Variants in PDS5A observed in about 807,000 individuals in gnomAD.
PDS5A encodes sister chromatid cohesion protein PDS5 homolog A.
A neutral mutation model predicts 167.1 loss-of-function variants in PDS5A; 42 were observed. That is an observed-to-expected ratio of 0.25 (90% CI 0.20 to 0.33). The LOEUF is 0.33. Ranked by LOEUF, PDS5A falls within the 10% of genes least tolerant of loss-of-function variation. The probability of loss-of-function intolerance (pLI) is 1.00; values close to 1 mark genes in which losing one functional copy is unlikely to be tolerated. For missense variants in PDS5A, 1,033 were observed against 1,605.9 expected (o/e 0.64, Z 6.10); for synonymous variants, 553 against 554.6 (o/e 1.00, Z 0.04).
At chr4:39,957,647 G>A (rs1224265754) in intron 2 of PDS5A, among the ~76,000 whole-genome samples, 2 of 152,006 alleles carry the variant, frequency 1.3e-5, no homozygotes, top group African/African-American at 2.4e-5. Context: ...TTAGCCGGGC[G>A]TGGTGGCGGG....
At chr4:39,836,412 A>C (rs1716389307) in intron 32 of PDS5A, among the ~76,000 whole-genome samples, 1 of 152,092 alleles carries the variant, frequency 6.6e-6, no homozygotes, top group African/African-American at 2.4e-5. Context: ...AATAGCCCAA[A>C]ATTTCAGAAT....
At chr4:39,920,190 G>A in intron 7 of PDS5A, 129 bp downstream of exon 7, 1 of 420,604 alleles carries the variant, frequency 2.4e-6, no homozygotes, top group African/African-American at 2.1e-5. Context: ...CTCTAACCCT[G>A]GTCACATCTG....
chr4:39,868,775 T>TA, intron 22 of PDS5A: 1 of 427,210 alleles, frequency 2.3e-6, no homozygotes, highest in South Asian at 1.7e-5. Context: ...AAGTATTATT[T>TA]ATTATATTTA....
At chr4:39,867,549 TA>T (rs11357236) in intron 22 of PDS5A, among the ~76,000 whole-genome samples, 56,289 of 111,764 alleles carry the variant, frequency 0.5, 12,454 homozygotes, top group East Asian at 0.67. Flanking sequence ...CCGTCTCTAC[TA>T]AAAAAAAAAA....
At chr4:39,887,884 A>T (rs200544890) in intron 17 of PDS5A, among the ~76,000 whole-genome samples, 1 of 19,102 alleles carries the variant, frequency 5.2e-5, no homozygotes, top group South Asian at 7.2e-3. Context: ...CAAAATAACA[A>T]AACAAAACAA....
chr4:39,913,119 T>C (rs1360143046), intron 9 of PDS5A, among the ~76,000 whole-genome samples: 2 of 151,232 alleles, frequency 1.3e-5, no homozygotes, highest in Non-Finnish European at 2.9e-5. Context: ...AGAGTCTCAC[T>C]CTGTCACTCC....
intron 26 of PDS5A, among the ~76,000 whole-genome samples, chr4:39,850,491 C>T (rs1379176223): frequency 6.6e-6 from 1 of 152,022 alleles, no homozygotes; most frequent in African/African-American, 2.4e-5. Flanking sequence ...AACACAGATT[C>T]ACCCTATAGG....
At chr4:39,911,974 T>G (rs1723935449) in intron 9 of PDS5A, among the ~76,000 whole-genome samples, 1 of 152,226 alleles carries the variant, frequency 6.6e-6, no homozygotes, top group South Asian at 2.1e-4. Flanking sequence ...AGTATTTTTA[T>G]TTTTGAAATG....
rs1428581115 is a variant in PDS5A, at chr4:39,951,192, C to T, written c.139-23028G>A. On this transcript the variant is annotated intron_variant, in intron 2 of 32. Transcript: ENST00000303538. Reference sequence around the variant, plus strand: ...ACAGAAATAAACCACTCCATCTGGCCTCTGTTCTGCCTCTTAATGGATAGG... The same window carrying T: ...ACAGAAATAAACCACTCCATCTGGCTTCTGTTCTGCCTCTTAATGGATAGG... Among the ~76,000 whole-genome samples, 6 of 152,288 alleles carry T rather than the reference C, an allele frequency of 3.9e-5. No homozygotes were observed. In the South Asian group the frequency reaches 1.2e-3, roughly 32 times the overall value.
At chr4:39,908,595 AT>A in intron 10 of PDS5A, 55 bp from the exon 11 acceptor site, 1 of 1,097,524 alleles carries the variant, frequency 9.1e-7, no homozygotes, top group Non-Finnish European at 1.4e-6. Flanking sequence ...ATTTGTCATG[AT>A]TTAGAATGGC....
intron 26 of PDS5A, among the ~76,000 whole-genome samples, chr4:39,858,444 A>G (rs1206875706): frequency 6.6e-6 from 1 of 152,208 alleles, no homozygotes; most frequent in Admixed American, 6.5e-5. Context: ...CAAGGGTGCC[A>G]AAACCAATCT....
chr4:39,922,014 AAG>A (rs1435676277), intron 6 of PDS5A, among the ~76,000 whole-genome samples: 2 of 152,242 alleles, frequency 1.3e-5, no homozygotes, highest in African/African-American at 4.8e-5. Flanking sequence ...ACTAGAAGAA[AAG>A]AGCAGGAGAG....
chr4:39,926,687 ACACT>A, intron 4 of PDS5A, 84 bp downstream of exon 4: 1 of 898,204 alleles, frequency 1.1e-6, no homozygotes, highest in East Asian at 3.4e-5. Flanking sequence ...AATAAAATAA[ACACT>A]CATTTTACAT....
intron 8 of PDS5A, among the ~76,000 whole-genome samples, chr4:39,916,577 T>A (rs1045199409): frequency 4.6e-5 from 7 of 152,104 alleles, no homozygotes; most frequent in Non-Finnish European, 1.0e-4. Flanking sequence ...AAAAGTATTA[T>A]AATTTTGTGG....
At chr4:39,886,648 G>A (rs571155451) in intron 17 of PDS5A, among the ~76,000 whole-genome samples, 191 of 152,016 alleles carry the variant, frequency 1.3e-3, no homozygotes, top group African/African-American at 4.4e-3. Context: ...AGGAGGTGGA[G>A]GCTGTGGTGA....
At chr4:39,917,544 C>A (rs1036354350) in intron 7 of PDS5A, among the ~76,000 whole-genome samples, 1 of 151,926 alleles carries the variant, frequency 6.6e-6, no homozygotes, top group Non-Finnish European at 1.5e-5. Context: ...TTCCTTGTAG[C>A]AGAGAAAAAT....
intron 32 of PDS5A, among the ~76,000 whole-genome samples, chr4:39,833,749 T>C (rs1716135755): frequency 6.6e-6 from 1 of 152,020 alleles, no homozygotes; most frequent in Non-Finnish European, 1.5e-5. Context: ...CCACATCAAT[T>C]TACGGGGAAA....
chr4:39,874,748 A>C (rs1720326119), intron 19 of PDS5A, among the ~76,000 whole-genome samples: 3 of 152,218 alleles, frequency 2.0e-5, no homozygotes, highest in Admixed American at 1.3e-4. Context: ...CAATATTGCT[A>C]ATTTTTCAAT....
intron 16 of PDS5A, chr4:39,897,903 G>T: frequency 1.1e-4 from 36 of 324,866 alleles, no homozygotes; most frequent in Non-Finnish European, 1.4e-4. Flanking sequence ...GAATGCATAA[G>T]TTTTCCCTCC....
Sources: allele counts gnomAD v4.1 joint callset (sites outside exome capture counted in the v4.1 genomes callset), GRCh38; gene constraint gnomAD v4.1.1; transcripts MANE v1.5; gene names NCBI Gene and HGNC (gene_info 2026-07-23, HGNC 2026-07-21).